Variants in TLE4 observed in about 807,000 individuals in gnomAD.
TLE4 encodes TLE family member 4, transcriptional corepressor.
Under a neutral mutation model 92.8 loss-of-function variants are expected in TLE4, and 8 were observed. The ratio of observed to expected loss-of-function variants is 0.09; its 90% CI spans 0.05 to 0.16. The LOEUF is 0.16. TLE4 is among the 10% of genes least tolerant of loss of function. TLE4 has a pLI of 1.00. For missense variants in TLE4, 675 were observed against 997.6 expected (o/e 0.68, Z 4.36); for synonymous variants, 371 against 374.1 (o/e 0.99, Z 0.10).
At chr9:79,722,822 G>A (rs543976741) in intron 18 of TLE4, 137 bp from the exon 19 acceptor site, 1 of 986,816 alleles carries the variant, frequency 1.0e-6, no homozygotes, top group East Asian at 2.6e-5. Context: ...CAGAAAGATA[G>A]GCTTTATTTT....
intron 8 of TLE4, among the ~76,000 whole-genome samples, chr9:79,675,167 C>G (rs1485421954): frequency 2.0e-5 from 3 of 152,154 alleles, no homozygotes; most frequent in Non-Finnish European, 2.9e-5. Context: ...CTTACACTTG[C>G]AATGTTTTGG....
At chr9:79,703,010 T>C (rs2070396228) in intron 8 of TLE4, among the ~76,000 whole-genome samples, 1 of 152,162 alleles carries the variant, frequency 6.6e-6, no homozygotes, top group Non-Finnish European at 1.5e-5. Context: ...CTCGTAAATG[T>C]TGTATGTTTT....
At chr9:79,598,075 GAAAAAAAA>G (rs748860967) in intron 4 of TLE4, among the ~76,000 whole-genome samples, 5 of 65,736 alleles carry the variant, frequency 7.6e-5, no homozygotes, top group East Asian at 6.1e-4. Flanking sequence ...TACTGAAAAA[GAAAAAAAA>G]AAAAAAAAAA....
intron 4 of TLE4, among the ~76,000 whole-genome samples, chr9:79,606,870 A>G (rs1564337377): frequency 6.6e-6 from 1 of 152,174 alleles, no homozygotes; most frequent in East Asian, 1.9e-4. Flanking sequence ...AGCATGATTT[A>G]TAATCCTTTG....
chr9:79,622,796 C>T (rs999047012), intron 5 of TLE4, among the ~76,000 whole-genome samples: 2 of 152,112 alleles, frequency 1.3e-5, no homozygotes, highest in African/African-American at 2.4e-5. Flanking sequence ...GCGGGAAGTG[C>T]GCTGGCCATT....
At chr9:79,623,121 C>T (rs2051467884) in intron 5 of TLE4, among the ~76,000 whole-genome samples, 1 of 152,000 alleles carries the variant, frequency 6.6e-6, no homozygotes, top group Admixed American at 6.5e-5. Context: ...GGTACCCATA[C>T]TAAACATCGG....
chr9:79,671,383 C>T (rs756495429), intron 8 of TLE4: 7 of 395,126 alleles, frequency 1.8e-5, no homozygotes, highest in East Asian at 1.5e-4. Context: ...ACGAGTGGCC[C>T]GAGGACTGTG....
intron 4 of TLE4, among the ~76,000 whole-genome samples, chr9:79,598,845 C>A (rs965871938): frequency 2.6e-5 from 4 of 152,090 alleles, no homozygotes; most frequent in African/African-American, 9.7e-5. Context: ...ATCTTCCCCC[C>A]CCAGATTATA....
chr9:79,699,296 T>C (rs2069110881), intron 8 of TLE4, among the ~76,000 whole-genome samples: 1 of 152,194 alleles, frequency 6.6e-6, no homozygotes, highest in Non-Finnish European at 1.5e-5. Flanking sequence ...CTTCTTCAGC[T>C]TTCTGTCTTC....
chr9:79,720,500 G>A (rs1211612629), intron 16 of TLE4, among the ~76,000 whole-genome samples: 2 of 151,968 alleles, frequency 1.3e-5, no homozygotes, highest in Non-Finnish European at 2.9e-5. Context: ...AATTATCAGT[G>A]TGAAAATCTT....
rs548170116 is a variant in TLE4 at position 79,598,808 on chromosome 9, G to A, written c.253-13848G>A. ...GTAGCTAGGGCACTTAACACATGGC[G>A]TTTGTTATTGTGTTTATTTATATTT... On this transcript the variant is annotated intron_variant, in intron 4 of 19. Coordinates refer to ENST00000376552, the MANE Select transcript of TLE4 (RefSeq NM_007005.6). Among the ~76,000 whole-genome samples, 6 of 152,046 alleles carry A rather than the reference G, an allele frequency of 3.9e-5. No individual in the cohort carries two copies. In the South Asian group the frequency reaches 6.2e-4, roughly 16 times the overall value.
At chr9:79,636,245 C>T (rs1000553128) in intron 6 of TLE4, among the ~76,000 whole-genome samples, 4 of 151,978 alleles carry the variant, frequency 2.6e-5, no homozygotes, top group African/African-American at 4.8e-5. Context: ...ATCACTTGAG[C>T]GCAAGAGTTC....
intron 8 of TLE4, chr9:79,671,497 G>C (rs997947706): frequency 6.8e-6 from 2 of 293,030 alleles, no homozygotes; most frequent in Non-Finnish European, 1.4e-5. Flanking sequence ...AACAATTCTG[G>C]CATTCCTCTA....
chr9:79,683,994 A>C (rs1393836122), intron 8 of TLE4, among the ~76,000 whole-genome samples: 1 of 152,232 alleles, frequency 6.6e-6, no homozygotes, highest in East Asian at 1.9e-4. Context: ...ATTCCATAGA[A>C]AGCCTGAGAA....
chr9:79,707,090 G>A (rs1290302261), intron 11 of TLE4, 191 bp downstream of exon 11: 1 of 1,606,152 alleles, frequency 6.2e-7, no homozygotes, highest in South Asian at 1.1e-5. Flanking sequence ...TTGGTGATGA[G>A]TGTTTATTTT....
In TLE4 at chr9:79,721,757, A is replaced by G; in HGVS notation, c.1855A>G (p.Thr619Ala). The change falls in exon 17 of 20, where the codon ACA (threonine) becomes GCA (alanine). Residue 619 changes from threonine to alanine, a missense_variant. This residue lies in a region of TLE4 where 170 missense variants were observed against 359.6 expected (regional missense o/e 0.47). Transcript: ENST00000376552. ...CATTTTCAGGCAATTCCAGGGCCAC[A>G]CAGATGGAGCCAGCTGTATTGACAT... ...QTLVRQFQGH[T>A]DGASCIDISN... 1 of 1,614,200 alleles carries G rather than the reference A, an allele frequency of 6.2e-7. No individual in the cohort carries two copies. The highest frequency in any genetic ancestry group is 8.5e-7 in the Non-Finnish European group (1 of 1,180,030).
intron 16 of TLE4, among the ~76,000 whole-genome samples, chr9:79,720,862 G>T (rs2075515719): frequency 6.6e-6 from 1 of 152,178 alleles, no homozygotes; most frequent in South Asian, 2.1e-4. Flanking sequence ...ATTATCTGTT[G>T]TCCCACCTTT....
Position 79,642,672 on chromosome 9 carries a change from C to T in TLE4, c.391-9921C>T, listed in dbSNP as rs143658583. Reference sequence around the variant, plus strand: ...TTGGCCAATTCATAAAATACGCTAACGGGATCACTAATGGGAAAGTTAATA... The same window carrying T: ...TTGGCCAATTCATAAAATACGCTAATGGGATCACTAATGGGAAAGTTAATA... On this transcript the variant is annotated intron_variant, in intron 6 of 19. Coordinates refer to ENST00000376552, the MANE Select transcript of TLE4 (RefSeq NM_007005.6). 5.0e-3 allele frequency among the ~76,000 whole-genome samples: 757 copies of T among 152,228 alleles called. 1 individual carries two copies. The highest frequency in any genetic ancestry group is 8.5e-3 in the Non-Finnish European group (575 of 68,012).
At position 79,704,920 on chromosome 9, in the gene TLE4, T is replaced by C. The variant is rs1349199679; in HGVS notation, c.729+18T>C. 3 of 1,613,612 alleles carry C rather than the reference T, an allele frequency of 1.9e-6. No individual in the cohort carries two copies. Among genetic ancestry groups the C allele is most frequent in the East Asian group, 4.5e-5 (2 of 44,882 alleles). On this transcript the variant is annotated intron_variant, in intron 9 of 19. Coordinates refer to ENST00000376552, the MANE Select transcript of TLE4 (RefSeq NM_007005.6). ...CTCGTTATGTAAGTTCATTCACCTT[T>C]GTGTTAGGGGAGGCCAGCTTGCCTT...
Sources: gnomAD v4.1 joint callset for allele counts (sites outside exome capture counted in the v4.1 genomes callset) on GRCh38, gnomAD v4.1.1 for gene constraint, gnomAD v4.1.1 regional missense constraint, MANE v1.5 for transcripts, NCBI Gene and HGNC (gene_info 2026-07-23, HGNC 2026-07-21) for gene names.